EPC2: variants seen among roughly 807,000 people sequenced by gnomAD.
EPC2 encodes enhancer of polycomb homolog 2.
In EPC2, 14 loss-of-function variants were observed where a neutral mutation model predicts 92.1. The ratio of observed to expected loss-of-function variants is 0.15; its 90% CI spans 0.10 to 0.24. The LOEUF is 0.24. Ranked by LOEUF, EPC2 falls within the 10% of genes least tolerant of loss-of-function variation. EPC2 has a pLI of 1.00. For missense variants in EPC2, 755 were observed against 971.5 expected (o/e 0.78, Z 2.96); for synonymous variants, 340 against 334.7 (o/e 1.02, Z -0.17).
At chr2:148,653,646 G>A (rs1477600310) in intron 1 of EPC2, among the ~76,000 whole-genome samples, 1 of 151,842 alleles carries the variant, frequency 6.6e-6, no homozygotes, top group African/African-American at 2.4e-5. Flanking sequence ...ATGCAGACTG[G>A]AGAGTCAGCC....
intron 2 of EPC2, among the ~76,000 whole-genome samples, chr2:148,739,833 C>CTTTTTTTTTTTTTTTTTTTTTTT (rs144868417): frequency 4.9e-5 from 4 of 81,298 alleles, no homozygotes; most frequent in African/African-American, 1.4e-4. Context: ...TCTTCTTCTT[C>CTTTTTTTTTTTTTTTTTTTTTTT]TTTTTTTTTT....
At chr2:148,661,285 A>G (rs1377578363) in intron 1 of EPC2, among the ~76,000 whole-genome samples, 11 of 152,078 alleles carry the variant, frequency 7.2e-5, no homozygotes, top group Non-Finnish European at 1.6e-4. Context: ...TATGCCTAGG[A>G]ATCTCATCTA....
At chr2:148,760,850 C>T (rs1683289113) in intron 4 of EPC2, among the ~76,000 whole-genome samples, 1 of 151,940 alleles carries the variant, frequency 6.6e-6, no homozygotes, top group African/African-American at 2.4e-5. Flanking sequence ...CAATATGAAA[C>T]CTTTGGTATT....
intron 1 of EPC2, among the ~76,000 whole-genome samples, chr2:148,653,947 T>C (rs1021158940): frequency 1.2e-4 from 17 of 145,970 alleles, no homozygotes; most frequent in Admixed American, 2.9e-4. Flanking sequence ...TACTTTTTTT[T>C]TTGTTTTTTT....
chr2:148,759,872 TTTTGTTTTTTA>T (rs1683267773), intron 4 of EPC2, among the ~76,000 whole-genome samples: 1 of 152,170 alleles, frequency 6.6e-6, no homozygotes. Flanking sequence ...AAGGTTTTGT[TTTTGTTTTTTA>T]TTTGTTTTTT....
chr2:148,668,154 C>T (rs1681090069), intron 1 of EPC2, among the ~76,000 whole-genome samples: 1 of 152,140 alleles, frequency 6.6e-6, no homozygotes, highest in South Asian at 2.1e-4. Flanking sequence ...GCCTCGGCCT[C>T]CCAAAGTGCT....
rs137870866 is a variant in EPC2, at chr2:148,677,770, G to T, written c.154-12444G>T. Among the ~76,000 whole-genome samples the T allele has an allele frequency of 4.5e-3, 692 of 152,188 alleles. 1 individual carries two copies. The highest frequency in any genetic ancestry group is 0.016 in the African/African-American group (646 of 41,518). On this transcript the variant is annotated intron_variant, in intron 1 of 13. Coordinates refer to ENST00000258484, the MANE Select transcript of EPC2 (RefSeq NM_015630.4). Reference sequence around the variant, plus strand: ...TCGCTGGCTCAGGAGTGAAGCTGCAGACCTTTGCAGTGAGTGTTACAGCTC... The same window carrying T: ...TCGCTGGCTCAGGAGTGAAGCTGCATACCTTTGCAGTGAGTGTTACAGCTC...
chr2:148,700,803 C>T (rs527272521), intron 2 of EPC2, among the ~76,000 whole-genome samples: 2 of 151,272 alleles, frequency 1.3e-5, no homozygotes, highest in South Asian at 4.2e-4. Context: ...GAACTAGAAT[C>T]TATTCATCAT....
At chr2:148,769,875 T>A (rs1160447795) in intron 8 of EPC2, among the ~76,000 whole-genome samples, 1 of 152,164 alleles carries the variant, frequency 6.6e-6, no homozygotes, top group Non-Finnish European at 1.5e-5. Context: ...AAGCATACAC[T>A]GACAGCTTTT....
intron 13 of EPC2, among the ~76,000 whole-genome samples, chr2:148,785,358 T>C (rs1436729535): frequency 6.6e-6 from 1 of 151,838 alleles, no homozygotes; most frequent in Non-Finnish European, 1.5e-5. Flanking sequence ...GATGGAGTCT[T>C]GCTGTCTTGC....
At chr2:148,766,857 G>A (rs1403568880) in intron 7 of EPC2, among the ~76,000 whole-genome samples, 2 of 152,150 alleles carry the variant, frequency 1.3e-5, no homozygotes, top group Admixed American at 6.5e-5. Context: ...TGAGAGCCTA[G>A]AAAGTTTTGC....
intron 1 of EPC2, among the ~76,000 whole-genome samples, chr2:148,666,028 T>C (rs1008702836): frequency 1.3e-5 from 2 of 152,254 alleles, no homozygotes; most frequent in Non-Finnish European, 2.9e-5. Context: ...ACTTATGTAA[T>C]GTTTCTACAA....
intron 1 of EPC2, among the ~76,000 whole-genome samples, chr2:148,688,609 A>G (rs1681578399): frequency 6.6e-6 from 1 of 152,196 alleles, no homozygotes; most frequent in Non-Finnish European, 1.5e-5. Context: ...ATATATATGT[A>G]TATCCTGAAT....
Position 148,689,472 on chromosome 2 carries a change from A to C in EPC2, c.154-742A>C, listed in dbSNP as rs112418295. Among the ~76,000 whole-genome samples the C allele has an allele frequency of 5.2e-4, 79 of 152,178 alleles. 1 individual carries two copies. The highest frequency in any genetic ancestry group is 1.9e-3 in the African/African-American group (78 of 41,528). ...GGATTACAGGCATGAGCCACCACCC[A>C]GCCATTGAGTGATTTTTAACCTTTA... On this transcript the variant is annotated intron_variant, in intron 1 of 13. Transcript: ENST00000258484.
At chr2:148,691,745 C>T (rs1681648771) in intron 2 of EPC2, 1 of 956,224 alleles carries the variant, frequency 1.0e-6, no homozygotes, top group African/African-American at 1.6e-5. Flanking sequence ...GTTCAGTTCT[C>T]AGGAAGATTT....
intron 1 of EPC2, among the ~76,000 whole-genome samples, chr2:148,661,898 G>C (rs1055552772): frequency 1.3e-5 from 2 of 152,014 alleles, no homozygotes; most frequent in African/African-American, 2.4e-5. Context: ...TGGTAATGAG[G>C]TGTTACTCTT....
intron 1 of EPC2, among the ~76,000 whole-genome samples, chr2:148,677,911 G>A (rs945835028): frequency 5.9e-5 from 9 of 152,156 alleles, no homozygotes; most frequent in Non-Finnish European, 1.2e-4. Flanking sequence ...AAGGCAGTGT[G>A]GACCCAAAGA....
intron 1 of EPC2, 100 bp downstream of exon 1, chr2:148,645,270 G>A (rs912714143): frequency 1.4e-5 from 15 of 1,099,146 alleles, no homozygotes; most frequent in Non-Finnish European, 1.7e-5. Context: ...TCGCTGGAGG[G>A]CGCCGCTGCC....
intron 2 of EPC2, among the ~76,000 whole-genome samples, chr2:148,710,081 T>A (rs552078439): frequency 1.3e-5 from 2 of 152,032 alleles, no homozygotes; most frequent in South Asian, 2.1e-4. Context: ...TGGGAGAAAA[T>A]TTTTGCAATC....
Sources: gnomAD v4.1 joint callset for allele counts (sites outside exome capture counted in the v4.1 genomes callset) on GRCh38, gnomAD v4.1.1 for gene constraint, MANE v1.5 for transcripts, NCBI Gene and HGNC (gene_info 2026-07-23, HGNC 2026-07-21) for gene names.